NTRK2: variants seen among roughly 807,000 people sequenced by gnomAD.
The protein encoded by NTRK2 is BDNF/NT-3 growth factors receptor.
NTRK2 carries 13 observed loss-of-function variants against 94.5 expected under a neutral mutation model. The observed-to-expected ratio is 0.14, with a 90% confidence interval of 0.09 to 0.22. The LOEUF is 0.22. Among genes scored for constraint, NTRK2 ranks in the 10% least tolerant of loss-of-function variants. The pLI is 1.00. For missense variants in NTRK2, 639 were observed against 1,071.2 expected, an observed-to-expected ratio of 0.60 and a Z score of 5.63; for synonymous variants, 372 against 407.4, an observed-to-expected ratio of 0.91 and a Z score of 1.05.
At chr9:84,908,007 A>G (rs955428618) in intron 14 of NTRK2, among the ~76,000 whole-genome samples, 1 of 152,228 alleles carries the variant, frequency 6.6e-6, no homozygotes, top group African/African-American at 2.4e-5. Flanking sequence ...AGCTGTGTTT[A>G]TCATTGACCA....
chr9:84,965,980 A>G (rs1825512080), intron 17 of NTRK2, among the ~76,000 whole-genome samples: 2 of 152,198 alleles, frequency 1.3e-5, no homozygotes, highest in Admixed American at 1.3e-4. Context: ...GACGTGAAAA[A>G]CACCAGGGTT....
chr9:84,776,675 A>T (rs536462299), intron 12 of NTRK2, among the ~76,000 whole-genome samples: 2 of 152,356 alleles, frequency 1.3e-5, no homozygotes, highest in East Asian at 3.9e-4. Flanking sequence ...TTTACACAGC[A>T]TGTGGCATGA....
intron 17 of NTRK2, among the ~76,000 whole-genome samples, chr9:84,967,969 A>T (rs540741178): frequency 1.3e-5 from 2 of 152,236 alleles, no homozygotes; most frequent in South Asian, 4.2e-4. Flanking sequence ...CTTTCTGGAA[A>T]ACTCATTAGA....
chr9:84,872,712 G>A, intron 14 of NTRK2: 4 of 1,064,566 alleles, frequency 3.8e-6, no homozygotes, highest in Non-Finnish European at 4.6e-6. Flanking sequence ...GTGTATCCTT[G>A]TGTATATGTG....
At chr9:84,682,845 T>C (rs140803699) in intron 2 of NTRK2, among the ~76,000 whole-genome samples, 7 of 152,332 alleles carry the variant, frequency 4.6e-5, no homozygotes, top group Admixed American at 6.5e-5. Flanking sequence ...TGGATAAACA[T>C]ATGTAACCAA....
At chr9:84,734,795 T>C (rs2132195116) in intron 9 of NTRK2, among the ~76,000 whole-genome samples, 1 of 152,322 alleles carries the variant, frequency 6.6e-6, no homozygotes. Flanking sequence ...GAAACCTCTT[T>C]CCTTTATAAA....
intron 12 of NTRK2, among the ~76,000 whole-genome samples, chr9:84,827,372 C>T (rs1013329698): frequency 5.9e-5 from 9 of 152,130 alleles, no homozygotes; most frequent in African/African-American, 2.2e-4. Flanking sequence ...AGTGCTGGGG[C>T]CACAGGGTGA....
At chr9:84,980,322 G>A (rs1827427696) in intron 17 of NTRK2, among the ~76,000 whole-genome samples, 1 of 152,174 alleles carries the variant, frequency 6.6e-6, no homozygotes, top group African/African-American at 2.4e-5. Context: ...GCTGTGCAGA[G>A]AGCATGATTG....
At chr9:85,000,914 A>T (rs1830264349) in intron 17 of NTRK2, among the ~76,000 whole-genome samples, 1 of 152,188 alleles carries the variant, frequency 6.6e-6, no homozygotes. Flanking sequence ...CCACATCCTC[A>T]TCAACATTTG....
rs78358998 is a variant in NTRK2 at position 84,771,777 on chromosome 9, G to A, written c.1396+19692G>A. Reference sequence around the variant, plus strand: ...CTTTTTAGTAAATTTGTGTGATCGTGTGTAATCATCTAGAAAAAAAATGCT... The same window carrying A: ...CTTTTTAGTAAATTTGTGTGATCGTATGTAATCATCTAGAAAAAAAATGCT... On this transcript the variant is annotated intron_variant, in intron 12 of 18. Transcript: ENST00000277120. Among the ~76,000 whole-genome samples the A allele has an allele frequency of 9.1e-3, 1,384 of 152,172 alleles. 23 individuals are homozygous for A. The highest frequency in any genetic ancestry group is 0.031 in the African/African-American group (1,292 of 41,512).
At chr9:84,716,092 T>C (rs954086476) in intron 6 of NTRK2, among the ~76,000 whole-genome samples, 2 of 152,162 alleles carry the variant, frequency 1.3e-5, no homozygotes, top group East Asian at 3.8e-4. Context: ...CCACACAGAA[T>C]AATAGTCCCA....
intron 6 of NTRK2, among the ~76,000 whole-genome samples, chr9:84,721,944 A>T (rs1332608145): frequency 6.6e-6 from 1 of 152,204 alleles, no homozygotes; most frequent in Non-Finnish European, 1.5e-5. Flanking sequence ...TTCACTAAGT[A>T]AGCCCATTTC....
At chr9:84,844,862 A>G (rs1296645984) in intron 12 of NTRK2, among the ~76,000 whole-genome samples, 1 of 152,118 alleles carries the variant, frequency 6.6e-6, no homozygotes, top group Non-Finnish European at 1.5e-5. Flanking sequence ...CATGTAACCA[A>G]AAAACACCTG....
chr9:85,021,661 T>C lies in NTRK2; in HGVS notation c.*224T>C. The C allele has an allele frequency of 1.7e-6, 1 of 587,104 alleles. No individual in the cohort carries two copies. The highest frequency in any genetic ancestry group is 2.8e-5 in the East Asian group (1 of 35,114). 36.4% of individuals were successfully genotyped at this position (587,104 alleles called of 1,614,324 possible). On this transcript the variant is annotated 3_prime_UTR_variant, in exon 19 of 19. Coordinates refer to ENST00000277120, the MANE Select transcript of NTRK2 (RefSeq NM_006180.6). ...CATTATCTCTTTCTCTCTTTCCATC[T>C]CCCTTGGTTGTTCCTTTTTCTTTTT...
chr9:84,724,367 A>G lies in NTRK2; in HGVS notation c.853+11A>G. On this transcript the variant is annotated intron_variant, in intron 8 of 18. Transcript: ENST00000277120. The stretch of plus-strand genomic sequence containing the variant: ...ACCTCACTGTGCATTGTACGTAATC[A>G]GACTGGCATGTGTTTTTAATAGCAA... 1.2e-6 allele frequency: 2 copies of G among 1,614,160 alleles called. No homozygotes were observed. The highest frequency in any genetic ancestry group is 2.2e-5 in the South Asian group (2 of 91,086).
At chr9:84,874,855 G>A (rs2076006606) in intron 14 of NTRK2, 1 of 1,057,648 alleles carries the variant, frequency 9.5e-7, no homozygotes, top group Non-Finnish European at 1.1e-6. Context: ...AACCAGGACA[G>A]TCCTAAACAG....
chr9:84,785,417 G>C (rs1172123897), intron 12 of NTRK2, among the ~76,000 whole-genome samples: 1 of 152,174 alleles, frequency 6.6e-6, no homozygotes, highest in Non-Finnish European at 1.5e-5. Context: ...TTACATGTTT[G>C]AGGTGAGCCT....
At chr9:84,991,670 C>T (rs948353703) in intron 17 of NTRK2, among the ~76,000 whole-genome samples, 5 of 152,154 alleles carry the variant, frequency 3.3e-5, no homozygotes, top group African/African-American at 9.7e-5. Flanking sequence ...GAGCCTCCTC[C>T]GCCTGGAGCT....
chr9:84,893,584 T>C (rs2076658797), intron 14 of NTRK2, among the ~76,000 whole-genome samples: 1 of 152,160 alleles, frequency 6.6e-6, no homozygotes, highest in African/African-American at 2.4e-5. Context: ...GGCACACCCA[T>C]GCAGGCACTC....
Sources: gnomAD v4.1 joint callset for allele counts (sites outside exome capture counted in the v4.1 genomes callset) on GRCh38, gnomAD v4.1.1 for gene constraint, MANE v1.5 for transcripts, NCBI Gene and HGNC (gene_info 2026-07-23, HGNC 2026-07-21) for gene names.